NELL1: variants seen among roughly 807,000 people sequenced by gnomAD.
NELL1 encodes the protein protein kinase C-binding protein NELL1.
Under a neutral mutation model 107.4 loss-of-function variants are expected in NELL1, and 76 were observed. The observed-to-expected ratio is 0.71, with a 90% CI of 0.59 to 0.86. NELL1 has a LOEUF of 0.86. Ranked by LOEUF, NELL1 falls within the 40% of genes least tolerant of loss-of-function variation. The pLI is 0.00. For missense variants in NELL1, 1,024 were observed against 1,005.5 expected, an observed-to-expected ratio of 1.02 and a Z score of -0.25; for synonymous variants, 353 against 341.2, an observed-to-expected ratio of 1.03 and a Z score of -0.38.
chr11:20,960,396 C>G (rs1280869850), intron 11 of NELL1, 36 bp from the exon 12 acceptor site: 4 of 1,605,632 alleles, frequency 2.5e-6, no homozygotes, highest in Non-Finnish European at 3.4e-6. Context: ...TTTATTTCCT[C>G]CTTTTCTGAT....
At chr11:21,111,644 C>G (rs922721417) in intron 12 of NELL1, among the ~76,000 whole-genome samples, 3 of 152,046 alleles carry the variant, frequency 2.0e-5, no homozygotes, top group Admixed American at 2.0e-4. Context: ...AAGGCAGAAA[C>G]AAGAAAATGT....
At chr11:20,980,197 G>A (rs1851721624) in intron 12 of NELL1, among the ~76,000 whole-genome samples, 2 of 152,190 alleles carry the variant, frequency 1.3e-5, no homozygotes, top group South Asian at 4.1e-4. Context: ...AGACTACAAA[G>A]GAGGAAGGAG....
At chr11:21,203,238 A>G (rs530077624) in intron 13 of NELL1, among the ~76,000 whole-genome samples, 6 of 152,202 alleles carry the variant, frequency 3.9e-5, no homozygotes, top group Admixed American at 2.6e-4. Context: ...GTCTCCCACT[A>G]TTATTGGGTG....
chr11:20,882,510 A>G (rs1023884467), intron 4 of NELL1, among the ~76,000 whole-genome samples: 20 of 152,232 alleles, frequency 1.3e-4, no homozygotes, highest in African/African-American at 4.8e-4. Flanking sequence ...ATTATTTGGA[A>G]GGAAGAGAAA....
chr11:21,194,718 C>T (rs557830094), intron 13 of NELL1, among the ~76,000 whole-genome samples: 1 of 152,240 alleles, frequency 6.6e-6, no homozygotes, highest in African/African-American at 2.4e-5. Flanking sequence ...TTTTAATAAG[C>T]CTTCCATATG....
intron 13 of NELL1, among the ~76,000 whole-genome samples, chr11:21,199,553 C>G (rs546492143): frequency 2.7e-4 from 41 of 152,162 alleles, no homozygotes; most frequent in African/African-American, 9.9e-4. Context: ...AGTTTTCTAT[C>G]TTTTGTAGTT....
chr11:21,503,208 G>T (rs918946583), intron 15 of NELL1, among the ~76,000 whole-genome samples: 4 of 152,112 alleles, frequency 2.6e-5, no homozygotes, highest in Non-Finnish European at 5.9e-5. Context: ...TACTTTGTTC[G>T]CAAAGACAGA....
At chr11:20,701,505 T>C (rs573272796) in intron 2 of NELL1, among the ~76,000 whole-genome samples, 1 of 152,090 alleles carries the variant, frequency 6.6e-6, no homozygotes, top group Non-Finnish European at 1.5e-5. Context: ...AGAAGCTCTT[T>C]AGTTTAATTA....
chr11:20,823,548 A>G (rs1857807068), intron 3 of NELL1, among the ~76,000 whole-genome samples: 1 of 151,398 alleles, frequency 6.6e-6, no homozygotes, highest in Admixed American at 6.6e-5. Flanking sequence ...TTCAGAAGGC[A>G]CAGAAGACAT....
intron 2 of NELL1, among the ~76,000 whole-genome samples, chr11:20,708,209 G>A (rs1274333504): frequency 3.9e-5 from 6 of 152,228 alleles, no homozygotes; most frequent in Non-Finnish European, 7.3e-5. Context: ...CAGTATTAGG[G>A]TGGGAGTGTC....
At chr11:21,349,161 A>C (rs926939010) in intron 14 of NELL1, among the ~76,000 whole-genome samples, 1 of 152,126 alleles carries the variant, frequency 6.6e-6, no homozygotes, top group Non-Finnish European at 1.5e-5. Flanking sequence ...AGAGAAAATA[A>C]CAAGAGGAAA....
intron 14 of NELL1, among the ~76,000 whole-genome samples, chr11:21,360,412 T>C (rs1275972809): frequency 6.6e-6 from 1 of 152,204 alleles, no homozygotes; most frequent in Non-Finnish European, 1.5e-5. Flanking sequence ...GCCTATCATA[T>C]GGTCTATTTT....
chr11:20,744,997 C>T (rs920909943), intron 2 of NELL1, among the ~76,000 whole-genome samples: 1 of 152,164 alleles, frequency 6.6e-6, no homozygotes, highest in Non-Finnish European at 1.5e-5. Context: ...AGGACCTTTG[C>T]CTTGGCTGAA....
intron 12 of NELL1, among the ~76,000 whole-genome samples, chr11:21,029,806 C>G (rs933169716): frequency 9.9e-5 from 15 of 152,152 alleles, no homozygotes; most frequent in Admixed American, 7.9e-4. Context: ...TAGCGTCCAG[C>G]TTTCAATCCT....
intron 5 of NELL1, among the ~76,000 whole-genome samples, chr11:20,902,074 A>G (rs1305176345): frequency 1.3e-5 from 2 of 152,128 alleles, no homozygotes; most frequent in Non-Finnish European, 2.9e-5. Flanking sequence ...AGAAGACAAC[A>G]TAAGAACATA....
At chr11:21,468,737 G>A (rs1244639844) in intron 15 of NELL1, among the ~76,000 whole-genome samples, 2 of 152,092 alleles carry the variant, frequency 1.3e-5, no homozygotes, top group Non-Finnish European at 2.9e-5. Context: ...TGGATGGGGT[G>A]TAGAGGAGCC....
chr11:21,228,932 G>T (rs1193799020), intron 13 of NELL1, among the ~76,000 whole-genome samples: 1 of 151,628 alleles, frequency 6.6e-6, no homozygotes, highest in African/African-American at 2.4e-5. Context: ...ATCACTTCCT[G>T]TTCCCAATCA....
chr11:20,919,135 T>C, intron 6 of NELL1, 117 bp from the exon 7 acceptor site: 2 of 490,898 alleles, frequency 4.1e-6, no homozygotes, highest in South Asian at 4.3e-5. Context: ...TTCAAAGCAA[T>C]GTCAACCAAA....
At chr11:21,049,483 T>C (rs1306025814) in intron 12 of NELL1, among the ~76,000 whole-genome samples, 1 of 152,158 alleles carries the variant, frequency 6.6e-6, no homozygotes, top group Non-Finnish European at 1.5e-5. Flanking sequence ...TTAGTTGATT[T>C]GGCTTCTAGA....
Sources: gnomAD v4.1 joint callset for allele counts (sites outside exome capture counted in the v4.1 genomes callset) on GRCh38, gnomAD v4.1.1 for gene constraint, MANE v1.5 for transcripts, NCBI Gene and HGNC (gene_info 2026-07-23, HGNC 2026-07-21) for gene names.